The following TACR1 variants were observed in gnomAD, a reference collection of about 807,000 sequenced individuals.
TACR1 encodes the protein substance-P receptor.
TACR1 carries 25 observed loss-of-function variants against 35.8 expected under a neutral mutation model. The ratio of observed to expected loss-of-function variants is 0.70; its 90% CI spans 0.51 to 0.98. The LOEUF (loss-of-function observed/expected upper bound fraction) is 0.98. Ranked by LOEUF, TACR1 falls within the 50% of genes least tolerant of loss-of-function variation. TACR1 has a pLI of 0.00. For missense variants in TACR1, 478 were observed against 522.9 expected (o/e 0.91, Z 0.84); for synonymous variants, 195 against 206.7 (o/e 0.94, Z 0.48).
chr2:75,168,351 A>C (rs898841127), intron 1 of TACR1, among the ~76,000 whole-genome samples: 9 of 152,168 alleles, frequency 5.9e-5, no homozygotes, highest in African/African-American at 1.9e-4. Context: ...CGAGATAAGG[A>C]GATCATCCTG....
chr2:75,054,242 A>C (rs1454018663), intron 2 of TACR1, among the ~76,000 whole-genome samples: 3 of 152,242 alleles, frequency 2.0e-5, no homozygotes, highest in Non-Finnish European at 4.4e-5. Flanking sequence ...AGGGTTGTAG[A>C]CCAACTAGTA....
intron 2 of TACR1, among the ~76,000 whole-genome samples, chr2:75,059,545 T>A (rs183824381): frequency 1.3e-5 from 2 of 152,338 alleles, no homozygotes; most frequent in East Asian, 3.9e-4. Flanking sequence ...GTGATACTCC[T>A]GTGCAGCTGG....
rs564404502 is a variant in TACR1, at chr2:75,111,496, C to T, written c.584+9078G>A. Among the ~76,000 whole-genome samples, 3 of 152,122 alleles carry T rather than the reference C, an allele frequency of 2.0e-5. No homozygotes were observed. In the South Asian group the frequency reaches 6.2e-4, roughly 32 times the overall value. ...ACCACTGGATTTCTTCACTGCAATA[C>T]TTACTAGGATGGAGACTAGTCTTTG... is the stretch of plus-strand genomic sequence containing the variant. On this transcript the variant is annotated intron_variant, in intron 2 of 4. Coordinates refer to ENST00000305249, the MANE Select transcript of TACR1 (RefSeq NM_001058.4).
In TACR1 at chr2:75,047,608, T is replaced by G. The variant is rs1672389991; in HGVS notation, c.*1824A>C. The G allele has an allele frequency of 6.6e-6, 1 of 152,252 alleles. No individual in the cohort carries two copies. Among genetic ancestry groups the G allele is most frequent in the African/African-American group, 2.4e-5 (1 of 41,466 alleles). 9.4% of individuals were successfully genotyped at this position (152,252 alleles called of 1,614,324 possible). ...ATCCATACACAGCAAGATTCTCTAT[T>G]GGAAGTATGACTAATGCTTAGGGCA... On this transcript the variant is annotated 3_prime_UTR_variant, in exon 5 of 5. Transcript: ENST00000305249.
intron 1 of TACR1, among the ~76,000 whole-genome samples, chr2:75,130,477 C>T (rs1674156186): frequency 6.6e-6 from 1 of 152,208 alleles, no homozygotes; most frequent in South Asian, 2.1e-4. Context: ...TATTTGGGCA[C>T]CCTTGCTACA....
intron 1 of TACR1, among the ~76,000 whole-genome samples, chr2:75,179,783 C>A (rs1011547856): frequency 6.6e-6 from 1 of 152,168 alleles, no homozygotes; most frequent in Non-Finnish European, 1.5e-5. Context: ...ATGGAAACAA[C>A]CTGCAACCAA....
At chr2:75,132,507 T>C (rs1674197734) in intron 1 of TACR1, among the ~76,000 whole-genome samples, 1 of 152,214 alleles carries the variant, frequency 6.6e-6, no homozygotes. Flanking sequence ...ACTCCTCATA[T>C]TGTCAGACTT....
intron 1 of TACR1, among the ~76,000 whole-genome samples, chr2:75,135,082 C>T (rs1461809448): frequency 1.3e-5 from 2 of 152,190 alleles, no homozygotes; most frequent in African/African-American, 4.8e-5. Context: ...TGTGGCCTGT[C>T]TTACTGGTGA....
intron 2 of TACR1, among the ~76,000 whole-genome samples, chr2:75,093,768 A>C (rs1673355282): frequency 6.6e-6 from 1 of 152,248 alleles, no homozygotes; most frequent in South Asian, 2.1e-4. Context: ...TAAGCATAAG[A>C]ATGCTGTTAG....
rs144552186 is a variant in TACR1, at chr2:75,129,186, G to C, written c.390-8418C>G. On this transcript the variant is annotated intron_variant, in intron 1 of 4. Coordinates refer to ENST00000305249, the MANE Select transcript of TACR1 (RefSeq NM_001058.4). ...CTGATTGAACTTCATGATTTTAGTG[G>C]AAACTCAATAATGGAAAGAAGTTCA... 2.0e-3 allele frequency among the ~76,000 whole-genome samples: 305 copies of C among 152,278 alleles called. 1 individual carries two copies. The highest frequency in any genetic ancestry group is 7.1e-3 in the African/African-American group (296 of 41,556).
intron 4 of TACR1, 72 bp from the exon 5 acceptor site, chr2:75,049,795 G>C (rs1672433672): frequency 4.1e-6 from 6 of 1,478,096 alleles, no homozygotes; most frequent in Non-Finnish European, 5.5e-6. Flanking sequence ...CACTGCATCA[G>C]CTTGTTAACA....
At chr2:75,186,245 G>A (rs537991622) in intron 1 of TACR1, among the ~76,000 whole-genome samples, 3 of 151,760 alleles carry the variant, frequency 2.0e-5, no homozygotes, top group Admixed American at 1.3e-4. Flanking sequence ...GGTGGCTCGC[G>A]CCTGTAATCC....
At chr2:75,137,728 C>CAAAAAAAAAAAAAAA (rs11326632) in intron 1 of TACR1, among the ~76,000 whole-genome samples, 40 of 47,512 alleles carry the variant, frequency 8.4e-4, no homozygotes, top group South Asian at 1.1e-3. Flanking sequence ...GTCTCCGTCT[C>CAAAAAAAAAAAAAAA]AAAAAAAAAA....
chr2:75,174,221 A>T (rs1675359230), intron 1 of TACR1, among the ~76,000 whole-genome samples: 1 of 152,234 alleles, frequency 6.6e-6, no homozygotes, highest in African/African-American at 2.4e-5. Flanking sequence ...ATTGTTTTCT[A>T]GTATTTTCTA....
intron 2 of TACR1, among the ~76,000 whole-genome samples, chr2:75,082,068 C>T (rs535097445): frequency 3.9e-5 from 6 of 152,134 alleles, no homozygotes; most frequent in African/African-American, 1.4e-4. Flanking sequence ...TATCCCTCCC[C>T]ACTCCCCGCA....
In TACR1 at chr2:75,068,190, C is replaced by T. The variant is rs145368518; in HGVS notation, c.585-14435G>A. Among the ~76,000 whole-genome samples, 3 of 149,920 alleles carry T rather than the reference C, an allele frequency of 2.0e-5. No homozygotes were observed. In the East Asian group the frequency reaches 5.9e-4, roughly 29 times the overall value. ...TGGGGGTTGGCAAGTTTAACATTTGCAAGGCAGGCTGGTAGGCTGGGAACT... is the reference window on the plus strand; with the variant it reads ...TGGGGGTTGGCAAGTTTAACATTTGTAAGGCAGGCTGGTAGGCTGGGAACT... On this transcript the variant is annotated intron_variant, in intron 2 of 4. Transcript: ENST00000305249.
chr2:75,124,951 C>G (rs540336434), intron 1 of TACR1, among the ~76,000 whole-genome samples: 1 of 152,236 alleles, frequency 6.6e-6, no homozygotes, highest in African/African-American at 2.4e-5. Flanking sequence ...CCAGTCATGA[C>G]CAAGAATCAG....
chr2:75,158,205 C>T (rs1674911511), intron 1 of TACR1, among the ~76,000 whole-genome samples: 1 of 152,140 alleles, frequency 6.6e-6, no homozygotes, highest in Non-Finnish European at 1.5e-5. Flanking sequence ...TGAGATCTTC[C>T]TATGGACGAA....
At chr2:75,073,067 T>C in intron 2 of TACR1, among the ~76,000 whole-genome samples, 1 of 152,194 alleles carries the variant, frequency 6.6e-6, no homozygotes, top group Non-Finnish European at 1.5e-5. Context: ...GATTTTTAAA[T>C]ATAGAAACCT....
Sources: gnomAD v4.1 joint callset for allele counts (sites outside exome capture counted in the v4.1 genomes callset) on GRCh38, gnomAD v4.1.1 for gene constraint, MANE v1.5 for transcripts, NCBI Gene and HGNC (gene_info 2026-07-23, HGNC 2026-07-21) for gene names.